SLC4A4: variants seen among roughly 807,000 people sequenced by gnomAD.
The protein encoded by SLC4A4 is electrogenic sodium bicarbonate cotransporter 1.
Under a neutral mutation model 111.5 loss-of-function variants are expected in SLC4A4, and 27 were observed. That is an observed-to-expected ratio of 0.24 (90% CI 0.18 to 0.33). The LOEUF (loss-of-function observed/expected upper bound fraction) is 0.33, where lower values mean the gene tolerates loss of function less well. SLC4A4 is among the 10% of genes least tolerant of loss of function. The probability of loss-of-function intolerance (pLI) is 1.00; values close to 1 mark genes in which losing one functional copy is unlikely to be tolerated. For missense variants in SLC4A4, 909 were observed against 1,315.5 expected, an observed-to-expected ratio of 0.69 and a Z score of 4.78; for synonymous variants, 443 against 463.4, an observed-to-expected ratio of 0.96 and a Z score of 0.57.
intron 2 of SLC4A4, among the ~76,000 whole-genome samples, chr4:71,151,134 A>G (rs1243090373): frequency 6.6e-6 from 1 of 152,230 alleles, no homozygotes; most frequent in Non-Finnish European, 1.5e-5. Flanking sequence ...AAATTGCCAC[A>G]TGGATGGTGA....
intron 22 of SLC4A4, among the ~76,000 whole-genome samples, chr4:71,558,230 CA>C (rs889942081): frequency 1.9e-4 from 29 of 152,048 alleles, no homozygotes; most frequent in African/African-American, 6.7e-4. Context: ...ACATAGTAGA[CA>C]CCAGTGCATG....
chr4:71,524,484 A>G (rs1304438589), intron 16 of SLC4A4, among the ~76,000 whole-genome samples: 1 of 152,114 alleles, frequency 6.6e-6, no homozygotes, highest in Admixed American at 6.6e-5. Flanking sequence ...TAAATTCTCC[A>G]GTTCATCTCT....
chr4:71,315,501 G>A (rs1726609869), intron 3 of SLC4A4, among the ~76,000 whole-genome samples: 1 of 152,128 alleles, frequency 6.6e-6, no homozygotes, highest in Non-Finnish European at 1.5e-5. Context: ...GCCAAGCCAT[G>A]GTACAGGCAC....
At chr4:71,425,467 G>A (rs1426767293) in intron 7 of SLC4A4, among the ~76,000 whole-genome samples, 3 of 152,146 alleles carry the variant, frequency 2.0e-5, no homozygotes, top group Non-Finnish European at 4.4e-5. Flanking sequence ...CCTGTCTTGT[G>A]TAAACCAAAA....
chr4:71,485,341 A>G (rs1729274404), intron 14 of SLC4A4, among the ~76,000 whole-genome samples: 1 of 151,692 alleles, frequency 6.6e-6, no homozygotes. Context: ...TTTTTTTAAC[A>G]TGAATGGATG....
chr4:71,236,021 T>C (rs891551179), intron 1 of SLC4A4: 48 of 990,664 alleles, frequency 4.8e-5, no homozygotes, highest in Non-Finnish European at 5.8e-5. Context: ...AATACTGGGC[T>C]GTGCTGATAT....
intron 10 of SLC4A4, 145 bp from the exon 11 acceptor site, chr4:71,451,043 C>T (rs1366718492): frequency 1.5e-6 from 1 of 685,972 alleles, no homozygotes; most frequent in Non-Finnish European, 2.7e-6. Flanking sequence ...ACTTAAAGAA[C>T]TGTCTGTTAG....
intron 8 of SLC4A4, among the ~76,000 whole-genome samples, chr4:71,445,399 G>T (rs1489810740): frequency 6.6e-6 from 1 of 152,072 alleles, no homozygotes; most frequent in Non-Finnish European, 1.5e-5. Flanking sequence ...AGTGTCAGTT[G>T]ATAAATACAT....
chr4:71,336,491 T>C (rs566201643), intron 3 of SLC4A4, among the ~76,000 whole-genome samples: 1 of 152,364 alleles, frequency 6.6e-6, no homozygotes, highest in South Asian at 2.1e-4. Flanking sequence ...AATATTGATA[T>C]TAAAATTGTT....
Position 71,287,336 on chromosome 4 carries a change from G to T in SLC4A4, c.253+31937G>T, listed in dbSNP as rs549865018. Among the ~76,000 whole-genome samples, 8 of 152,296 alleles carry T rather than the reference G, an allele frequency of 5.3e-5. No homozygotes were observed. In the South Asian group the frequency reaches 1.7e-3, roughly 32 times the overall value. ...TTTTTAGAAAACTTGATAAAAATAG[G>T]ATTTCACACGCTTCAGAAGTACAAA... On this transcript the variant is annotated intron_variant, in intron 3 of 25. Transcript: ENST00000264485.
At chr4:71,503,954 G>T (rs1731166995) in intron 16 of SLC4A4, among the ~76,000 whole-genome samples, 1 of 152,048 alleles carries the variant, frequency 6.6e-6, no homozygotes, top group African/African-American at 2.4e-5. Context: ...GTTGGTTTTT[G>T]TTTCCACACT....
intron 4 of SLC4A4, among the ~76,000 whole-genome samples, chr4:71,348,890 A>G (rs141179908): frequency 2.0e-5 from 3 of 152,300 alleles, no homozygotes; most frequent in African/African-American, 7.2e-5. Flanking sequence ...ACATTTTTCA[A>G]TCATTAAGCC....
intron 1 of SLC4A4, among the ~76,000 whole-genome samples, chr4:71,066,073 A>G (rs1410933926): frequency 6.6e-6 from 1 of 152,190 alleles, no homozygotes; most frequent in East Asian, 1.9e-4. Flanking sequence ...GGAAGAAAAA[A>G]GCCCTCAAAA....
intron 3 of SLC4A4, among the ~76,000 whole-genome samples, chr4:71,265,428 G>A (rs1722168462): frequency 6.6e-6 from 1 of 152,134 alleles, no homozygotes; most frequent in Non-Finnish European, 1.5e-5. Context: ...CAGTCACAGG[G>A]AATAGAGGGG....
intron 14 of SLC4A4, among the ~76,000 whole-genome samples, chr4:71,481,926 G>A (rs761476036): frequency 5.9e-5 from 9 of 151,730 alleles, no homozygotes; most frequent in Non-Finnish European, 1.3e-4. Flanking sequence ...CAGATTCCTA[G>A]GGCAAAGGGT....
At chr4:71,305,777 T>C (rs1326003815) in intron 3 of SLC4A4, among the ~76,000 whole-genome samples, 1 of 152,180 alleles carries the variant, frequency 6.6e-6, no homozygotes, top group Non-Finnish European at 1.5e-5. Context: ...AGCTAACACG[T>C]GGCGTCTATT....
intron 2 of SLC4A4, among the ~76,000 whole-genome samples, chr4:71,173,669 C>G (rs1317299761): frequency 2.6e-5 from 4 of 152,212 alleles, no homozygotes; most frequent in African/African-American, 9.6e-5. Context: ...GCCACTGTGC[C>G]TGGCTATCCC....
rs533219431 is a variant in SLC4A4, at chr4:71,223,731, G to C, written c.-1-12845G>C. ...TTTGTAGGGTGATCTCACATCCATG[G>C]TCCCTTAGATCCAATGCTTTTAGGA... On this transcript the variant is annotated intron_variant, in intron 1 of 25. Coordinates refer to ENST00000264485, the MANE Select transcript of SLC4A4 (RefSeq NM_001098484.3). 2.6e-5 allele frequency among the ~76,000 whole-genome samples: 4 copies of C among 151,952 alleles called. No individual in the cohort carries two copies. The South Asian group carries it at 8.3e-4, about 32-fold the overall frequency.
intron 3 of SLC4A4, among the ~76,000 whole-genome samples, chr4:71,257,208 C>T (rs1246398112): frequency 1.3e-5 from 2 of 152,164 alleles, no homozygotes; most frequent in Non-Finnish European, 2.9e-5. Flanking sequence ...TCTCTTTCCC[C>T]TCAGAGGTTT....
Sources: allele counts gnomAD v4.1 joint callset (sites outside exome capture counted in the v4.1 genomes callset), GRCh38; gene constraint gnomAD v4.1.1; transcripts MANE v1.5; gene names NCBI Gene and HGNC (gene_info 2026-07-23, HGNC 2026-07-21).